PABPC4L: variants seen among roughly 807,000 people sequenced by gnomAD.
The protein encoded by PABPC4L is polyadenylate-binding protein 4-like.
For synonymous variants in PABPC4L, 169 were observed against 164.1 expected (o/e 1.03, Z -0.23); for missense variants, 452 against 451.4 (o/e 1.00, Z -0.01).
At chr4:134,159,398 A>G in the PABPC4L span, among the ~76,000 whole-genome samples, 1 of 152,144 alleles carries the variant, frequency 6.6e-6, no homozygotes, top group Non-Finnish European at 1.5e-5. Context: ...GGAAAGAGGC[A>G]TTGAAGGGGA....
chr4:134,118,606 G>T, the PABPC4L span, among the ~76,000 whole-genome samples: 1 of 150,630 alleles, frequency 6.6e-6, no homozygotes, highest in Non-Finnish European at 1.5e-5. Flanking sequence ...CAAACAAATA[G>T]GTAAAAAAAA....
At chr4:134,041,491 A>T in the PABPC4L span, among the ~76,000 whole-genome samples, 10 of 151,914 alleles carry the variant, frequency 6.6e-5, no homozygotes, top group East Asian at 2.0e-3. Context: ...AAAACCAAAC[A>T]CCACATGTTC....
chr4:134,019,768 C>T, the PABPC4L span, among the ~76,000 whole-genome samples: 1 of 152,102 alleles, frequency 6.6e-6, no homozygotes, highest in African/African-American at 2.4e-5. Flanking sequence ...ACATGTCTAT[C>T]ACAGATTTTC....
At chr4:134,011,945 C>T in the PABPC4L span, among the ~76,000 whole-genome samples, 9 of 152,076 alleles carry the variant, frequency 5.9e-5, no homozygotes, top group African/African-American at 1.9e-4. Flanking sequence ...AGTAGTCTCC[C>T]TTTTCTGTTT....
chr4:134,112,874 G>A, the PABPC4L span, among the ~76,000 whole-genome samples: 4 of 151,904 alleles, frequency 2.6e-5, no homozygotes, highest in Admixed American at 6.6e-5. Context: ...CATTGTCATA[G>A]GAGATGATAG....
the PABPC4L span, among the ~76,000 whole-genome samples, chr4:134,099,762 G>T: frequency 6.6e-6 from 1 of 151,616 alleles, no homozygotes; most frequent in South Asian, 2.1e-4. Context: ...AATGCTATTT[G>T]ATCTCAGGGA....
At chr4:134,095,697 A>G in the PABPC4L span, among the ~76,000 whole-genome samples, 1 of 151,972 alleles carries the variant, frequency 6.6e-6, no homozygotes, top group Non-Finnish European at 1.5e-5. Flanking sequence ...TTATCTTGCT[A>G]TATGATAGGT....
chr4:134,150,639 C>A, the PABPC4L span, among the ~76,000 whole-genome samples: 1 of 152,040 alleles, frequency 6.6e-6, no homozygotes, highest in Non-Finnish European at 1.5e-5. Context: ...GCTATAATGG[C>A]CATGCTATTT....
chr4:134,195,488 G>A (rs116674714), downstream of PABPC4L, among the ~76,000 whole-genome samples: 571 of 151,748 alleles, frequency 3.8e-3, 1 homozygote, highest in African/African-American at 0.013. Flanking sequence ...TATTGCCTTC[G>A]CAACTCAAAT....
downstream of PABPC4L, among the ~76,000 whole-genome samples, chr4:134,192,694 A>G (rs1382683241): frequency 6.6e-6 from 1 of 152,146 alleles, no homozygotes; most frequent in East Asian, 1.9e-4. Flanking sequence ...GACAATAAGT[A>G]CACTACTACT....
chr4:134,092,785 TC>T, the PABPC4L span, among the ~76,000 whole-genome samples: 3 of 151,892 alleles, frequency 2.0e-5, no homozygotes, highest in Admixed American at 6.6e-5. Context: ...AAGCCATCCC[TC>T]CCACCATCGC....
the PABPC4L span, among the ~76,000 whole-genome samples, chr4:133,952,069 C>A: frequency 1.3e-5 from 2 of 152,264 alleles, no homozygotes; most frequent in Admixed American, 6.5e-5. Flanking sequence ...GGAAACTAAG[C>A]AAGCTTATGG....
At chr4:134,138,795 G>A in the PABPC4L span, among the ~76,000 whole-genome samples, 4 of 151,798 alleles carry the variant, frequency 2.6e-5, no homozygotes, top group South Asian at 6.2e-4. Flanking sequence ...GCCCTTTGAA[G>A]AGCTGTAACT....
the PABPC4L span, among the ~76,000 whole-genome samples, chr4:133,958,488 AT>A: frequency 6.6e-6 from 1 of 152,116 alleles, no homozygotes; most frequent in Non-Finnish European, 1.5e-5. Flanking sequence ...TTACTTCTAC[AT>A]TTTGGGGTAT....
At chr4:134,034,688 C>A in the PABPC4L span, among the ~76,000 whole-genome samples, 1 of 151,834 alleles carries the variant, frequency 6.6e-6, no homozygotes, top group Non-Finnish European at 1.5e-5. Context: ...AGTAAGAGAA[C>A]TAGAATTAGA....
the PABPC4L span, among the ~76,000 whole-genome samples, chr4:134,115,562 G>A: frequency 6.6e-6 from 1 of 151,618 alleles, no homozygotes; most frequent in African/African-American, 2.4e-5. Flanking sequence ...GTGAGAGTCA[G>A]GGGGATGAAA....
the PABPC4L span, among the ~76,000 whole-genome samples, chr4:134,150,454 A>G: frequency 6.6e-6 from 1 of 152,168 alleles, no homozygotes. Flanking sequence ...TTATCCAGAT[A>G]TATCTGTAGT....
At chr4:133,978,545 G>A in the PABPC4L span, among the ~76,000 whole-genome samples, 2 of 149,314 alleles carry the variant, frequency 1.3e-5, no homozygotes, top group Non-Finnish European at 3.0e-5. Flanking sequence ...GAGCCCGGGA[G>A]GTGGAGGCTG....
the PABPC4L span, among the ~76,000 whole-genome samples, chr4:134,151,296 AAAG>A: frequency 6.6e-6 from 1 of 152,148 alleles, no homozygotes; most frequent in African/African-American, 2.4e-5. Context: ...TAAAAAATAA[AAAG>A]AACACAAAAT....
Sources: allele counts gnomAD v4.1 joint callset (sites outside exome capture counted in the v4.1 genomes callset), GRCh38; gene constraint gnomAD v4.1.1; transcripts MANE v1.5; gene names NCBI Gene and HGNC (gene_info 2026-07-23, HGNC 2026-07-21).